The following RCAN1 variants were observed in gnomAD, a reference collection of about 807,000 sequenced individuals.
RCAN1 encodes calcipressin-1.
RCAN1 carries 11 observed loss-of-function variants against 22.9 expected under a neutral mutation model. The observed-to-expected ratio is 0.48, with a 90% CI of 0.30 to 0.79. RCAN1 has a LOEUF of 0.79. RCAN1 is among the 30% of genes least tolerant of loss of function. The probability of loss-of-function intolerance (pLI) is 0.06; values close to 1 mark genes in which losing one functional copy is unlikely to be tolerated. For synonymous variants in RCAN1, 136 were observed against 142.3 expected, an observed-to-expected ratio of 0.96 and a Z score of 0.32; for missense variants, 291 against 337.8, an observed-to-expected ratio of 0.86 and a Z score of 1.09.
chr21:34,556,788 A>G (rs188341554), intron 1 of RCAN1, among the ~76,000 whole-genome samples: 3 of 152,326 alleles, frequency 2.0e-5, no homozygotes, highest in East Asian at 1.9e-4. Flanking sequence ...GTTTCTTCCA[A>G]TGTAACAGAA....
At chr21:34,582,195 G>C (rs1414296555) in intron 1 of RCAN1, among the ~76,000 whole-genome samples, 3 of 152,164 alleles carry the variant, frequency 2.0e-5, no homozygotes, top group African/African-American at 7.2e-5. Context: ...CATGAAGCAA[G>C]TGCTATTCTT....
At chr21:34,585,540 A>G (rs532332516) in intron 1 of RCAN1, among the ~76,000 whole-genome samples, 12 of 152,204 alleles carry the variant, frequency 7.9e-5, no homozygotes, top group South Asian at 2.1e-4. Flanking sequence ...TCAGGAGATC[A>G]AGACCATCCT....
intron 1 of RCAN1, among the ~76,000 whole-genome samples, chr21:34,541,710 G>A (rs1985922307): frequency 6.6e-6 from 1 of 152,206 alleles, no homozygotes; most frequent in African/African-American, 2.4e-5. Flanking sequence ...CGAGGTGGGT[G>A]GATCACAAGG....
At chr21:34,525,155 G>A (rs1984940574) in intron 1 of RCAN1, 2 of 1,550,422 alleles carry the variant, frequency 1.3e-6, no homozygotes, top group African/African-American at 2.7e-5. Context: ...AGAGAGGAGA[G>A]TGTCTTCAGG....
intron 1 of RCAN1, among the ~76,000 whole-genome samples, chr21:34,597,642 C>T (rs1988205609): frequency 6.6e-6 from 1 of 152,184 alleles, no homozygotes; most frequent in Non-Finnish European, 1.5e-5. Context: ...AAGCTATGGT[C>T]AGTGGTGAAA....
intron 2 of RCAN1, chr21:34,522,664 G>T (rs189316312): frequency 1.3e-5 from 2 of 151,462 alleles, no homozygotes; most frequent in South Asian, 4.2e-4. Context: ...CCTCCCACTG[G>T]GGGAGGCCTT....
intron 1 of RCAN1, among the ~76,000 whole-genome samples, chr21:34,589,777 C>T (rs1053580361): frequency 3.3e-5 from 5 of 152,154 alleles, no homozygotes; most frequent in African/African-American, 1.2e-4. Context: ...TCTTCTCCCA[C>T]CCTCGGGCTG....
intron 1 of RCAN1, among the ~76,000 whole-genome samples, chr21:34,566,211 C>A (rs1987001496): frequency 6.6e-6 from 1 of 152,020 alleles, no homozygotes; most frequent in African/African-American, 2.4e-5. Flanking sequence ...GAGTGGATTG[C>A]TTCTGGGCAA....
intron 1 of RCAN1, among the ~76,000 whole-genome samples, chr21:34,596,866 G>A (rs941340399): frequency 1.3e-5 from 2 of 152,234 alleles, no homozygotes; most frequent in Non-Finnish European, 2.9e-5. Context: ...CACTAGGGAA[G>A]GTGTCTGCGA....
At chr21:34,525,872 T>TA (rs1985010402) in intron 1 of RCAN1, among the ~76,000 whole-genome samples, 1 of 152,116 alleles carries the variant, frequency 6.6e-6, no homozygotes, top group Non-Finnish European at 1.5e-5. Context: ...CCATAAGCAT[T>TA]ATATACAATT....
At chr21:34,570,143 G>A (rs931543993) in intron 1 of RCAN1, among the ~76,000 whole-genome samples, 17 of 152,222 alleles carry the variant, frequency 1.1e-4, no homozygotes, top group African/African-American at 4.1e-4. Flanking sequence ...AATAAGTGTA[G>A]TAACTGTAGA....
chr21:34,537,360 G>A (rs766052601), intron 1 of RCAN1, among the ~76,000 whole-genome samples: 4 of 152,198 alleles, frequency 2.6e-5, no homozygotes, highest in Non-Finnish European at 4.4e-5. Flanking sequence ...GTTTTCTCCT[G>A]GTGAACTGTA....
intron 1 of RCAN1, among the ~76,000 whole-genome samples, chr21:34,591,042 G>A (rs1307460808): frequency 6.6e-6 from 1 of 152,116 alleles, no homozygotes; most frequent in African/African-American, 2.4e-5. Context: ...AAACCTGACA[G>A]GACACACAAA....
chr21:34,564,244 G>A (rs1481632366), intron 1 of RCAN1, among the ~76,000 whole-genome samples: 4 of 152,196 alleles, frequency 2.6e-5, no homozygotes, highest in Admixed American at 1.3e-4. Context: ...CCCTTGACAT[G>A]TGGGCATTAT....
intron 1 of RCAN1, among the ~76,000 whole-genome samples, chr21:34,590,725 T>C (rs1304203430): frequency 6.6e-6 from 1 of 152,240 alleles, no homozygotes; most frequent in African/African-American, 2.4e-5. Context: ...GTCAGATCCT[T>C]GATGGCCCCT....
intron 1 of RCAN1, among the ~76,000 whole-genome samples, chr21:34,555,724 T>C (rs1986537146): frequency 6.6e-6 from 1 of 151,852 alleles, no homozygotes; most frequent in Non-Finnish European, 1.5e-5. Flanking sequence ...TTCCATGCTT[T>C]TGTATACACT....
rs1206287752 is a variant in RCAN1, at chr21:34,610,851, T to G, written c.252+3909A>C. 3.9e-5 allele frequency among the ~76,000 whole-genome samples: 6 copies of G among 152,246 alleles called. No homozygotes were observed. In the East Asian group the frequency reaches 1.2e-3, roughly 29 times the overall value. On this transcript the variant is annotated intron_variant, in intron 1 of 3. Coordinates refer to ENST00000313806, the MANE Select transcript of RCAN1 (RefSeq NM_004414.7). ...CATGCTGATCCGAATATTTTGTTAT[T>G]AAAAGAAAGTCATGATAGCACTACA...
chr21:34,601,634 C>T lies in RCAN1; in HGVS notation c.252+13126G>A, dbSNP rs188088618. ...GAGATCGAGATCATCTTGGCTAACA[C>T]GGTGAAACCCCATCTCTACTAAAAA... On this transcript the variant is annotated intron_variant, in intron 1 of 3. Transcript: ENST00000313806. 6.3e-3 allele frequency among the ~76,000 whole-genome samples: 960 copies of T among 152,090 alleles called. 3 individuals are homozygous for T. The highest frequency in any genetic ancestry group is 8.5e-3 in the Non-Finnish European group (578 of 67,996).
chr21:34,613,861 A>G, intron 1 of RCAN1: 3 of 1,432,128 alleles, frequency 2.1e-6, no homozygotes, highest in Non-Finnish European at 2.8e-6. Context: ...GCATTTGTGG[A>G]CCCACAGCCA....
Sources: allele counts gnomAD v4.1 joint callset (sites outside exome capture counted in the v4.1 genomes callset), GRCh38; gene constraint gnomAD v4.1.1; transcripts MANE v1.5; gene names NCBI Gene and HGNC (gene_info 2026-07-23, HGNC 2026-07-21).